MACROD1: variants seen among roughly 807,000 people sequenced by gnomAD.
MACROD1 encodes the protein mono-ADP ribosylhydrolase 1.
A neutral mutation model predicts 41.4 loss-of-function variants in MACROD1; 31 were observed. The observed-to-expected ratio is 0.75, with a 90% CI of 0.56 to 1.01. MACROD1 has a LOEUF of 1.01. MACROD1 is among the 50% of genes least tolerant of loss of function. The probability of loss-of-function intolerance (pLI) is 0.00; values close to 1 mark genes in which losing one functional copy is unlikely to be tolerated. For missense variants in MACROD1, 473 were observed against 460.0 expected (o/e 1.03, Z -0.26); for synonymous variants, 252 against 203.4 (o/e 1.24, Z -2.03).
intron 4 of MACROD1, among the ~76,000 whole-genome samples, chr11:64,014,485 A>C (rs966754935): frequency 6.6e-6 from 1 of 152,198 alleles, no homozygotes; most frequent in East Asian, 1.9e-4. Context: ...CCGCTGCCGT[A>C]AACACGGCCC....
At chr11:64,057,780 G>A (rs918268881) in intron 3 of MACROD1, among the ~76,000 whole-genome samples, 2 of 152,224 alleles carry the variant, frequency 1.3e-5, no homozygotes, top group African/African-American at 4.8e-5. Flanking sequence ...CTTGTTGAGC[G>A]CTTACTCTGT....
intron 3 of MACROD1, among the ~76,000 whole-genome samples, chr11:64,044,398 C>T (rs901936033): frequency 3.9e-5 from 6 of 152,070 alleles, no homozygotes; most frequent in Admixed American, 6.5e-5. Context: ...ACTACAGGCA[C>T]GCACCAACAC....
intron 3 of MACROD1, chr11:64,118,342 G>T: frequency 6.7e-7 from 1 of 1,500,304 alleles, no homozygotes; most frequent in Non-Finnish European, 8.9e-7. Context: ...CCCTGGCGTG[G>T]CCATGTGGCT....
intron 3 of MACROD1, among the ~76,000 whole-genome samples, chr11:64,061,684 T>C (rs1419432955): frequency 6.6e-6 from 1 of 151,634 alleles, no homozygotes; most frequent in Non-Finnish European, 1.5e-5. Context: ...ATTTTAATTT[T>C]TAGAGGAGTA....
intron 3 of MACROD1, among the ~76,000 whole-genome samples, chr11:64,139,456 C>T (rs1045179412): frequency 1.3e-5 from 2 of 152,182 alleles, no homozygotes; most frequent in Non-Finnish European, 2.9e-5. Flanking sequence ...CTGCCCCCAC[C>T]GCAGAGGAGC....
chr11:64,165,594 G>C, intron 1 of MACROD1, 103 bp downstream of exon 1: 1 of 1,076,234 alleles, frequency 9.3e-7, no homozygotes, highest in Non-Finnish European at 1.2e-6. Flanking sequence ...ACTTCCCCAG[G>C]TCTCTCGGGT....
At chr11:63,998,764 T>C (rs1425228638) in intron 10 of MACROD1, 74 bp downstream of exon 10, 10 of 1,432,608 alleles carry the variant, frequency 7.0e-6, no homozygotes, top group Non-Finnish European at 6.4e-6. Context: ...CCCGCCCTGC[T>C]TGGGGGTGAG....
Position 64,113,340 on chromosome 11 carries a change from A to G in MACROD1, c.517+37899T>C, listed in dbSNP as rs540560263. Among the ~76,000 whole-genome samples the G allele has an allele frequency of 3.1e-4, 47 of 152,386 alleles. 2 individuals are homozygous for G. The South Asian group carries it at 9.3e-3, about 30-fold the overall frequency. On this transcript the variant is annotated intron_variant, in intron 3 of 10. Transcript: ENST00000255681. ...GGGCCTGGAATATAGTAGATGCTCA[A>G]TAAAGCTCTGTTGGATGCATGATGG...
chr11:64,107,069 A>C lies in MACROD1; in HGVS notation c.517+44170T>G, dbSNP rs994063981. On this transcript the variant is annotated intron_variant, in intron 3 of 10. Transcript: ENST00000255681. ...CAGCTAATTTTTGTATTTTTAGTAG[A>C]GACAGAGTTTCGCCATGTTGACCAG... Among the ~76,000 whole-genome samples the C allele has an allele frequency of 2.0e-5, 3 of 151,910 alleles. No individual in the cohort carries two copies. The East Asian group carries it at 5.8e-4, about 29-fold the overall frequency.
intron 3 of MACROD1, among the ~76,000 whole-genome samples, chr11:64,092,953 C>A (rs1565228964): frequency 6.6e-6 from 1 of 152,224 alleles, no homozygotes; most frequent in Non-Finnish European, 1.5e-5. Flanking sequence ...TGCCCTGTGA[C>A]CCTGCAGAGG....
intron 3 of MACROD1, among the ~76,000 whole-genome samples, chr11:64,148,303 C>T (rs576520047): frequency 1.3e-5 from 2 of 152,294 alleles, no homozygotes; most frequent in Admixed American, 6.5e-5. Flanking sequence ...TCCCACTGCA[C>T]CCTTCCCCTC....
chr11:64,007,629 C>T (rs320146), intron 4 of MACROD1, among the ~76,000 whole-genome samples: 2,369 of 152,166 alleles, frequency 0.016, 59 homozygotes, highest in African/African-American at 0.052. Flanking sequence ...AGTGAAGGGA[C>T]GTGTTCTGGT....
intron 3 of MACROD1, chr11:64,117,367 C>A (rs1945007573): frequency 6.2e-7 from 1 of 1,613,012 alleles, no homozygotes; most frequent in Non-Finnish European, 8.5e-7. Flanking sequence ...CGGGGCATGG[C>A]CATCAAGGAC....
chr11:64,037,660 T>TGC (rs1943408169), intron 3 of MACROD1, among the ~76,000 whole-genome samples: 1 of 152,096 alleles, frequency 6.6e-6, no homozygotes, highest in Non-Finnish European at 1.5e-5. Flanking sequence ...TGTGTGTGTG[T>TGC]GCGCACCCAG....
intron 3 of MACROD1, among the ~76,000 whole-genome samples, chr11:64,033,898 C>G (rs951025409): frequency 3.3e-5 from 5 of 152,096 alleles, no homozygotes; most frequent in Non-Finnish European, 5.9e-5. Context: ...AACTCCTGGT[C>G]TCAAGCAATC....
At chr11:64,106,259 T>C (rs1944761978) in intron 3 of MACROD1, among the ~76,000 whole-genome samples, 1 of 152,132 alleles carries the variant, frequency 6.6e-6, no homozygotes, top group African/African-American at 2.4e-5. Flanking sequence ...TTTGCCTCTT[T>C]GGGCTGCTGT....
chr11:64,061,903 C>T (rs2875721), intron 3 of MACROD1, among the ~76,000 whole-genome samples: 7 of 120,974 alleles, frequency 5.8e-5, no homozygotes, highest in African/African-American at 1.1e-4. Flanking sequence ...TTTGTAGAGA[C>T]GGAGTCTTGC....
chr11:64,016,256 C>G (rs1056823997), intron 3 of MACROD1, among the ~76,000 whole-genome samples: 2 of 152,240 alleles, frequency 1.3e-5, no homozygotes, highest in African/African-American at 2.4e-5. Context: ...GCCAGCACTG[C>G]CCCCAGCCTG....
chr11:64,073,397 C>T (rs1253920183), intron 3 of MACROD1, among the ~76,000 whole-genome samples: 1 of 152,232 alleles, frequency 6.6e-6, no homozygotes, highest in Admixed American at 6.5e-5. Context: ...AGAGACCTGT[C>T]TTTGAACCCC....
Sources: gnomAD v4.1 joint callset for allele counts (sites outside exome capture counted in the v4.1 genomes callset) on GRCh38, gnomAD v4.1.1 for gene constraint, MANE v1.5 for transcripts, NCBI Gene and HGNC (gene_info 2026-07-23, HGNC 2026-07-21) for gene names.